The following TNXB variants were observed in gnomAD, a reference collection of about 807,000 sequenced individuals.
The protein encoded by TNXB is tenascin XB.
Under a neutral mutation model 340.5 loss-of-function variants are expected in TNXB, and 183 were observed. The ratio of observed to expected loss-of-function variants is 0.54; its 90% CI spans 0.48 to 0.61. The LOEUF (loss-of-function observed/expected upper bound fraction) is 0.61. TNXB is among the 20% of genes least tolerant of loss of function. TNXB has a pLI of 0.00. For synonymous variants in TNXB, 2,121 were observed against 2,314.5 expected (o/e 0.92, Z 2.40); for missense variants, 4,613 against 5,446.4 (o/e 0.85, Z 4.82).
rs747538272 is a variant in TNXB at position 32,052,968 on chromosome 6, G to C, written c.8817C>G (p.Pro2939=). The change falls in exon 26 of 44, where the codon CCC becomes CCG. Residue 2939 remains proline (P), a synonymous_variant. Transcript: ENST00000644971. This position sits in a 1 kb window ranked among gnomAD's most constrained non-coding sequence, Gnocchi z 4.7. ...VTAAEEETPA[P]TEPSTEAPEP... ...CCGGGGCCTCCGTGCTGGGTTCTGTGGGGGCGGGAGTTTCTTCCTCTGCAG... is the reference window on the plus strand; with the variant it reads ...CCGGGGCCTCCGTGCTGGGTTCTGTCGGGGCGGGAGTTTCTTCCTCTGCAG... The C allele has an allele frequency of 3.1e-6, 5 of 1,611,494 alleles. No homozygotes were observed. The highest frequency in any genetic ancestry group is 3.4e-6 in the Non-Finnish European group (4 of 1,179,264).
In TNXB at chr6:32,079,404, T is replaced by A; in HGVS notation, c.4043-39A>T. The A allele has an allele frequency of 6.7e-7, 1 of 1,492,216 alleles. No homozygotes were observed. Among genetic ancestry groups the A allele is most frequent in the Non-Finnish European group, 9.1e-7 (1 of 1,098,596 alleles). The allele number at this position is 1,492,216 out of a possible 1,614,324, so 92.4% of individuals were successfully genotyped here. ...TAGAGGCATAAAGGGCTGCTGGCTT[T>A]GCTGCTGCTGCCCACAGATGACAGC... On this transcript the variant is annotated intron_variant, in intron 10 of 43. Transcript: ENST00000644971. This position sits in a 1 kb window ranked among gnomAD's most constrained non-coding sequence, Gnocchi z 7.1.
chr6:32,065,221 C>G, intron 18 of TNXB, 104 bp from the exon 19 acceptor site: 1 of 1,042,298 alleles, frequency 9.6e-7, no homozygotes. Context: ...CTGGCCCTAA[C>G]TTAAGATCGA....
chr6:32,061,420 G>C lies in TNXB; in HGVS notation c.7469C>G (p.Pro2490Arg). 6.2e-7 allele frequency: 1 copy of C among 1,612,586 alleles called. No individual in the cohort carries two copies. The change falls in exon 21 of 44, where the codon CCG becomes CGG. Residue 2490 changes from proline (P) to arginine (R), a missense_variant. Physicochemically the swap from Pro to Arg is moderately radical, Grantham distance 103 (BLOSUM62 -2). This residue lies in a region of TNXB where 4,327 missense variants were observed against 4,859.4 expected (regional missense o/e 0.89). Transcript: ENST00000644971. The surrounding 1 kb of genome is among the most constrained non-coding windows in gnomAD (Gnocchi z 4.4). Reference protein sequence around the residue: ...YGLHEGRRVGPVSTVGVTAPQ... With the variant: ...YGLHEGRRVGRVSTVGVTAPQ... The stretch of plus-strand genomic sequence containing the variant: ...ACCAGTCACGCCCACGGTGGACACC[G>C]GGCCCACGCGCCGCCCCTCGTGGAG...
Position 32,072,365 on chromosome 6 carries a change from C to T in TNXB, c.4682-67G>A. On this transcript the variant is annotated intron_variant, in intron 12 of 43. Transcript: ENST00000644971. This position sits in a 1 kb window ranked among gnomAD's most constrained non-coding sequence, Gnocchi z 4.4. ...GGGGAGAACCCCTGGGCTTTGAGGG[C>T]CTCAGGGGGGCTGTGAACTGAGATG... 7.3e-7 allele frequency: 1 copy of T among 1,378,062 alleles called. No individual in the cohort carries two copies. Among genetic ancestry groups the T allele is most frequent in the Non-Finnish European group, 9.7e-7 (1 of 1,027,806 alleles). The allele number at this position is 1,378,062 out of a possible 1,614,324, so 85.4% of individuals were successfully genotyped here.
At position 32,097,951 on chromosome 6, in the gene TNXB, G is replaced by C; in HGVS notation, c.248C>G (p.Thr83Ser). Residue 83 changes from threonine (T) to serine (S), a missense_variant, in exon 2 of 44, where the codon ACT becomes AGT. Transcript: ENST00000644971. This position sits in a 1 kb window ranked among gnomAD's most constrained non-coding sequence, Gnocchi z 5.9. ...GGTGCCTGGGGGACAGCCACAGCCAGTGGAAGGGGGCAGGTTAATGCGGTG... is the reference window on the plus strand; with the variant it reads ...GGTGCCTGGGGGACAGCCACAGCCACTGGAAGGGGGCAGGTTAATGCGGTG... ...FTHRINLPPS[T>S]GCGCPPGTEP... 2 of 1,598,944 alleles carry C rather than the reference G, an allele frequency of 1.3e-6. No individual in the cohort carries two copies. The highest frequency in any genetic ancestry group is 1.7e-6 in the Non-Finnish European group (2 of 1,171,512).
Position 32,062,018 on chromosome 6 carries a change from A to C in TNXB, c.7168+139T>G, listed in dbSNP as rs1778048641. ...CCAGGGGTCAACCACACAAAAAGGT[A>C]CAATGGGAGCCCCAGCCCCAGCCAC... On this transcript the variant is annotated intron_variant, in intron 20 of 43. Coordinates refer to ENST00000644971, the MANE Select transcript of TNXB (RefSeq NM_001365276.2). This position sits in a 1 kb window ranked among gnomAD's most constrained non-coding sequence, Gnocchi z 4.3. The C allele has an allele frequency of 3.3e-6, 4 of 1,196,128 alleles. No homozygotes were observed. The Admixed American group carries it at 7.9e-5, about 24-fold the overall frequency. The allele number at this position is 1,196,128 out of a possible 1,614,324, so 74.1% of individuals were successfully genotyped here.
At chr6:32,107,997 T>C (rs1173245051) in intron 1 of TNXB, among the ~76,000 whole-genome samples, 1 of 151,990 alleles carries the variant, frequency 6.6e-6, no homozygotes. Flanking sequence ...GGCCTGGGAA[T>C]GGAAAAATTA....
chr6:32,064,736 G>A lies in TNXB; in HGVS notation c.6841+85C>T, dbSNP rs1457759760. 1.3e-6 allele frequency: 2 copies of A among 1,520,584 alleles called. No individual in the cohort carries two copies. The highest frequency in any genetic ancestry group is 1.3e-5 in the South Asian group (1 of 76,880). The allele number at this position is 1,520,584 out of a possible 1,614,324, so 94.2% of individuals were successfully genotyped here. On this transcript the variant is annotated intron_variant, in intron 19 of 43. Coordinates refer to ENST00000644971, the MANE Select transcript of TNXB (RefSeq NM_001365276.2). This position sits in a 1 kb window ranked among gnomAD's most constrained non-coding sequence, Gnocchi z 5.3. ...CTTGGGAGGCTTGGTCTCAGGGAAA[G>A]TAAAATAAAGCCACCAGATACTGAC... is the stretch of plus-strand genomic sequence containing the variant.
chr6:32,095,085 G>A lies in TNXB; in HGVS notation c.2349C>T (p.Phe783=). Residue 783 remains phenylalanine (F), a synonymous_variant, in exon 4 of 44, where the codon TTC becomes TTT. Coordinates refer to ENST00000644971, the MANE Select transcript of TNXB (RefSeq NM_001365276.2). The stretch of plus-strand genomic sequence containing the variant: ...CTGGCATCTCTCTCACCGTGGGGAT[G>A]AACTGAATTTCATAGGCATCCACGG... The part of the protein sequence containing the change: ...PGPVDAYEIQ[F]IPTTEGASPP... The A allele has an allele frequency of 6.5e-7, 1 of 1,548,662 alleles. No individual in the cohort carries two copies. Among genetic ancestry groups the A allele is most frequent in the South Asian group, 1.2e-5 (1 of 83,454 alleles).
At position 32,082,060 on chromosome 6, in the gene TNXB, G is replaced by A. The variant is rs1262284533; in HGVS notation, c.3712C>T (p.Pro1238Ser). The change falls in exon 9 of 44, where the codon CCC becomes TCC. Residue 1238 changes from proline (P) to serine (S), a missense_variant. Coordinates refer to ENST00000644971, the MANE Select transcript of TNXB (RefSeq NM_001365276.2). This position sits in a 1 kb window ranked among gnomAD's most constrained non-coding sequence, Gnocchi z 5.0. The part of the protein sequence containing the change: ...FGIANKKRYG[P>S]LTADGTTAPE... ...CCAGTGGTGCCATCGGCCGTGAGGGGGCCATACCGCTTCTTGTTCGCAATT... is the reference window on the plus strand; with the variant it reads ...CCAGTGGTGCCATCGGCCGTGAGGGAGCCATACCGCTTCTTGTTCGCAATT... 1.2e-6 allele frequency: 2 copies of A among 1,607,096 alleles called. No individual in the cohort carries two copies. The highest frequency in any genetic ancestry group is 1.7e-5 in the Admixed American group (1 of 58,954).
rs757120769 is a variant in TNXB, at chr6:32,053,656, G to A, written c.8523C>T (p.Pro2841=). The A allele has an allele frequency of 6.2e-7, 1 of 1,613,210 alleles. No individual in the cohort carries two copies. Among genetic ancestry groups the A allele is most frequent in the African/African-American group, 1.3e-5 (1 of 74,884 alleles). The change falls in exon 25 of 44, where the codon CCC becomes CCT. Residue 2841 remains proline (P), a synonymous_variant. Transcript: ENST00000644971. ...GCTCCCCGAGGCGAGGCTTGTTGGGGGGCTCAGGGGTTGTGGTGGGCACTG... is the reference window on the plus strand; with the variant it reads ...GCTCCCCGAGGCGAGGCTTGTTGGGAGGCTCAGGGGTTGTGGTGGGCACTG... The part of the protein sequence containing the change: ...TQAVPTTTPE[P]PNKPRLGELT...
At chr6:32,071,578 C>CTTTTT (rs10694435) in intron 13 of TNXB, among the ~76,000 whole-genome samples, 1 of 139,958 alleles carries the variant, frequency 7.1e-6, no homozygotes, top group Non-Finnish European at 1.5e-5. Context: ...GCTTTTCTTT[C>CTTTTT]TTTTTTTTTT....
At position 32,096,517 on chromosome 6, in the gene TNXB, C is replaced by T; in HGVS notation, c.1336G>A (p.Glu446Lys). ...GCATTGCAAACACACACGCCGTTCT[C>T]GCAGCGCCCGCGACCTCTACAGTCG... is the stretch of plus-strand genomic sequence containing the variant. ...PRDCRGRGRCENGVCVCNAGY... is the reference protein window; with the variant it reads ...PRDCRGRGRCKNGVCVCNAGY... Residue 446 changes from glutamate to lysine, a missense_variant, in exon 3 of 44, where the codon GAG (glutamate) becomes AAG (lysine). Physicochemically the swap from Glu to Lys is moderately conservative, Grantham distance 56 (BLOSUM62 1). Transcript: ENST00000644971. 4.4e-6 allele frequency: 7 copies of T among 1,599,046 alleles called. No individual in the cohort carries two copies. The highest frequency in any genetic ancestry group is 1.1e-5 in the South Asian group (1 of 90,164).
Position 32,081,556 on chromosome 6 carries a change from T to A in TNXB, c.3854A>T (p.Gln1285Leu), listed in dbSNP as rs764901394. Residue 1285 changes from glutamine (Q) to leucine (L), a missense_variant, in exon 10 of 44, where the codon CAG becomes CTG. By Grantham distance (113) the Gln-to-Leu change is moderately radical (BLOSUM62 -2). This residue lies in a region of TNXB where 4,327 missense variants were observed against 4,859.4 expected (regional missense o/e 0.89). Coordinates refer to ENST00000644971, the MANE Select transcript of TNXB (RefSeq NM_001365276.2). This position sits in a 1 kb window ranked among gnomAD's most constrained non-coding sequence, Gnocchi z 5.1. ...GACCATGAATGAGTCGAAGGGGCCC[T>A]GGGCCACTGTCCATGAGAGACGCAA... The part of the protein sequence containing the change: ...DSLRLSWTVA[Q>L]GPFDSFMVQY... The A allele has an allele frequency of 4.4e-6, 7 of 1,604,176 alleles. No individual in the cohort carries two copies. Among genetic ancestry groups the A allele is most frequent in the Non-Finnish European group, 5.1e-6 (6 of 1,175,650 alleles).
rs1468797172 is a variant in TNXB, at chr6:32,067,183, G to GA, written c.6544+477dup. Among the ~76,000 whole-genome samples, 2 of 150,734 alleles carry GA rather than the reference G, an allele frequency of 1.3e-5. No individual in the cohort carries two copies. The highest frequency in any genetic ancestry group is 4.3e-4 in the South Asian group (2 of 4,672). On this transcript the variant is annotated intron_variant, in intron 18 of 43. Transcript: ENST00000644971. This position sits in a 1 kb window ranked among gnomAD's most constrained non-coding sequence, Gnocchi z 4.2. The stretch of plus-strand genomic sequence containing the variant: ...AGAAAGAAAGAAAGAAAGAAAGAAA[G>GA]AAAACATTCTAGTGATTCTAGTGGA...
At chr6:32,103,510 A>G (rs1239471272) in intron 1 of TNXB, among the ~76,000 whole-genome samples, 1 of 151,230 alleles carries the variant, frequency 6.6e-6, no homozygotes, top group Admixed American at 6.6e-5. Flanking sequence ...TCTCTCCTCT[A>G]CTTCATGGCC....
rs547119132 is a variant in TNXB at position 32,085,616 on chromosome 6, C to T, written c.3148+134G>A. The T allele has an allele frequency of 6.0e-4, 623 of 1,041,068 alleles. 1 individual carries two copies. The highest frequency in any genetic ancestry group is 7.7e-4 in the Non-Finnish European group (596 of 775,068). The allele number at this position is 1,041,068 out of a possible 1,614,324, so 64.5% of individuals were successfully genotyped here. A position where few individuals can be genotyped will look rare whatever the true frequency, so the allele number is the denominator to read the frequency against. ...CCTGCAATTCCTTTTCTCTCCTTTT[C>T]TCCTCTATCCAGCCCCAAACATCAG... On this transcript the variant is annotated intron_variant, in intron 7 of 43. Transcript: ENST00000644971. The surrounding 1 kb of genome is among the most constrained non-coding windows in gnomAD (Gnocchi z 6.4).
chr6:32,055,604 G>A (rs894693889), intron 24 of TNXB, among the ~76,000 whole-genome samples: 1 of 152,146 alleles, frequency 6.6e-6, no homozygotes, highest in Non-Finnish European at 1.5e-5. Flanking sequence ...CAATTCCTTT[G>A]TCGTGAAGAA....
rs775335004 is a variant in TNXB at position 32,096,915 on chromosome 6, C to T, written c.938G>A (p.Arg313Gln). The change falls in exon 3 of 44, where the codon CGG (arginine) becomes CAG (glutamine). Residue 313 changes from arginine (R) to glutamine (Q), a missense_variant. By Grantham distance (43) the Arg-to-Gln change is conservative. Coordinates refer to ENST00000644971, the MANE Select transcript of TNXB (RefSeq NM_001365276.2). ...GCAGCGTCCCCGCTGGCTGCAGCCC[C>T]GAGGGCAGCTCCTCACCCCACAGTC... ...GEDCGVRSCP[R>Q]GCSQRGRCKD... 1 of 1,579,428 alleles carries T rather than the reference C, an allele frequency of 6.3e-7. No homozygotes were observed. Among genetic ancestry groups the T allele is most frequent in the Admixed American group, 1.7e-5 (1 of 58,960 alleles).
Sources: allele counts gnomAD v4.1 joint callset (sites outside exome capture counted in the v4.1 genomes callset), GRCh38; gene constraint gnomAD v4.1.1; regional missense constraint gnomAD v4.1.1; non-coding constraint Gnocchi (gnomAD v3.1); transcripts MANE v1.5; gene names NCBI Gene and HGNC (gene_info 2026-07-23, HGNC 2026-07-21).